Variants in USH2A observed in about 807,000 individuals in gnomAD.
The protein encoded by USH2A is usherin, also known as Usher syndrome 2A (autosomal recessive, mild).
USH2A carries 443 observed loss-of-function variants against 538.9 expected under a neutral mutation model. That is an observed-to-expected ratio of 0.82 (90% CI 0.76 to 0.89). The LOEUF is 0.89. Among genes scored for constraint, USH2A ranks in the 40% least tolerant of loss-of-function variants. The pLI is 0.00. For synonymous variants in USH2A, 2,413 were observed against 2,273.5 expected, an observed-to-expected ratio of 1.06 and a Z score of -1.75; for missense variants, 6,633 against 6,324.8, an observed-to-expected ratio of 1.05 and a Z score of -1.65.
intron 63 of USH2A, among the ~76,000 whole-genome samples, chr1:215,672,348 C>T (rs1657844294): frequency 6.6e-6 from 1 of 152,058 alleles, no homozygotes; most frequent in Non-Finnish European, 1.5e-5. Context: ...TGTACATGTT[C>T]TGTCTCTTCC....
At chr1:216,297,194 T>C (rs1251722147) in intron 9 of USH2A, among the ~76,000 whole-genome samples, 3 of 152,166 alleles carry the variant, frequency 2.0e-5, no homozygotes, top group East Asian at 1.9e-4. Flanking sequence ...AGAGTAATAA[T>C]ACTTCTCTCA....
At chr1:215,967,282 C>T (rs1314410208) in intron 36 of USH2A, among the ~76,000 whole-genome samples, 1 of 152,170 alleles carries the variant, frequency 6.6e-6, no homozygotes, top group Non-Finnish European at 1.5e-5. Context: ...TATTTTCCTG[C>T]CTCAGCCTCC....
At chr1:215,742,907 T>C (rs1660346924) in intron 59 of USH2A, among the ~76,000 whole-genome samples, 1 of 152,214 alleles carries the variant, frequency 6.6e-6, no homozygotes. Flanking sequence ...TTATGTGAGC[T>C]AGGTGTTTTT....
rs193129794 is a variant in USH2A at position 216,153,068 on chromosome 1, C to T, written c.4627+22184G>A. The stretch of plus-strand genomic sequence containing the variant: ...CAAACTCCAGGGGAAGATCATCTTC[C>T]CACTCCATCCCCTTTCCAGTTTCCC... On this transcript the variant is annotated intron_variant, in intron 21 of 71. Transcript: ENST00000307340. Among the ~76,000 whole-genome samples the T allele has an allele frequency of 2.6e-5, 4 of 152,226 alleles. No homozygotes were observed. The East Asian group carries it at 7.7e-4, about 29-fold the overall frequency.
At chr1:215,773,912 A>G (rs181720167) in intron 55 of USH2A, among the ~76,000 whole-genome samples, 1 of 152,290 alleles carries the variant, frequency 6.6e-6, no homozygotes, top group Admixed American at 6.5e-5. Flanking sequence ...CTTTACAGAC[A>G]TCTAAGGTAC....
chr1:215,653,774 TGTA>T (rs1332500148), intron 64 of USH2A, among the ~76,000 whole-genome samples: 1 of 152,150 alleles, frequency 6.6e-6, no homozygotes, highest in Non-Finnish European at 1.5e-5. Flanking sequence ...AGTATTGAAG[TGTA>T]GTTCAGGGTT....
chr1:215,688,565 A>G (rs1246991490), intron 61 of USH2A, among the ~76,000 whole-genome samples: 1 of 152,132 alleles, frequency 6.6e-6, no homozygotes, highest in East Asian at 1.9e-4. Context: ...TTTTCTTGCA[A>G]TTCTTGAGGT....
Position 216,048,540 on chromosome 1 carries a change from G to C in USH2A, c.6157C>G (p.Gln2053Glu), listed in dbSNP as rs1050956566. The change falls in exon 31 of 72, where the codon CAA (glutamine) becomes GAA (glutamate). Residue 2053 changes from glutamine (Q) to glutamate (E), a missense_variant. By Grantham distance (29) the Gln-to-Glu change is conservative. Coordinates refer to ENST00000307340, the MANE Select transcript of USH2A (RefSeq NM_206933.4). ...ACCTTTGAAATTACTTTACCTTCTT[G>C]TGGAGTAGAGATGTTCAATGCATGT... is the stretch of plus-strand genomic sequence containing the variant. ...SSHALNISTP[Q>E]EAPQEVQPPV... 6.2e-7 allele frequency: 1 copy of C among 1,613,692 alleles called. No homozygotes were observed. The highest frequency in any genetic ancestry group is 1.1e-5 in the South Asian group (1 of 91,080).
At position 216,366,584 on chromosome 1, in the gene USH2A, C is replaced by A. The variant is rs917913543; in HGVS notation, c.652-1499G>T. On this transcript the variant is annotated intron_variant, in intron 3 of 71. Coordinates refer to ENST00000307340, the MANE Select transcript of USH2A (RefSeq NM_206933.4). ...TGCCTTAAAAATCTTTTTCAATGTC[C>A]CCCCCCAAAAAAACAAGCAAAACAC... Among the ~76,000 whole-genome samples the A allele has an allele frequency of 2.6e-5, 4 of 151,392 alleles. No homozygotes were observed. The East Asian group carries it at 7.8e-4, about 29-fold the overall frequency.
chr1:216,192,677 G>C (rs773239734), intron 19 of USH2A, among the ~76,000 whole-genome samples: 2 of 151,978 alleles, frequency 1.3e-5, no homozygotes, highest in Non-Finnish European at 1.5e-5. Flanking sequence ...ACTCAAGCCT[G>C]GGTGACAGAG....
At chr1:216,102,382 TATTAA>T (rs1466827489) in intron 21 of USH2A, among the ~76,000 whole-genome samples, 2 of 149,330 alleles carry the variant, frequency 1.3e-5, no homozygotes, top group Non-Finnish European at 3.0e-5. Context: ...TTATATATAA[TATTAA>T]ATTAAAAAGT....
chr1:215,803,497 G>A (rs1662401563), intron 49 of USH2A, among the ~76,000 whole-genome samples: 2 of 151,988 alleles, frequency 1.3e-5, no homozygotes, highest in Admixed American at 6.6e-5. Context: ...TAACAGACAA[G>A]TAGAGAGCCA....
chr1:215,988,813 G>A (rs1667939639), intron 35 of USH2A, among the ~76,000 whole-genome samples: 1 of 152,206 alleles, frequency 6.6e-6, no homozygotes, highest in Non-Finnish European at 1.5e-5. Flanking sequence ...GGCTCATGAA[G>A]TATGTACTGA....
At chr1:215,926,240 T>C (rs10047183) in intron 38 of USH2A, among the ~76,000 whole-genome samples, 13,594 of 147,392 alleles carry the variant, frequency 0.092, 896 homozygotes, top group African/African-American at 0.18. Context: ...AAAATACCAT[T>C]CTCCACCTGG....
At chr1:216,135,811 A>G (rs766642530) in intron 21 of USH2A, among the ~76,000 whole-genome samples, 2 of 152,160 alleles carry the variant, frequency 1.3e-5, no homozygotes. Flanking sequence ...TAACAGAAAA[A>G]TAAAATGAAT....
At chr1:215,631,048 C>CTTG (rs1656267629) in intron 70 of USH2A, among the ~76,000 whole-genome samples, 1 of 152,116 alleles carries the variant, frequency 6.6e-6, no homozygotes, top group Non-Finnish European at 1.5e-5. Context: ...TGATGAAATA[C>CTTG]AAAAGACACT....
chr1:215,986,216 T>A (rs1667869728), intron 35 of USH2A, among the ~76,000 whole-genome samples: 1 of 152,010 alleles, frequency 6.6e-6, no homozygotes, highest in Non-Finnish European at 1.5e-5. Context: ...GCCTCCCACG[T>A]TCAAGCGATT....
intron 21 of USH2A, among the ~76,000 whole-genome samples, chr1:216,142,101 C>A (rs1226573759): frequency 1.3e-5 from 2 of 152,156 alleles, no homozygotes; most frequent in Non-Finnish European, 2.9e-5. Flanking sequence ...GGTACTTCTA[C>A]AGGTATTTTC....
At chr1:216,049,001 A>G (rs2030643432) in intron 30 of USH2A, among the ~76,000 whole-genome samples, 1 of 152,074 alleles carries the variant, frequency 6.6e-6, no homozygotes, top group South Asian at 2.1e-4. Context: ...AGGATCCTAG[A>G]CCTCCTGCAG....
Sources: allele counts gnomAD v4.1 joint callset (sites outside exome capture counted in the v4.1 genomes callset), GRCh38; gene constraint gnomAD v4.1.1; transcripts MANE v1.5; gene names NCBI Gene and HGNC (gene_info 2026-07-23, HGNC 2026-07-21).